The following ARID5B variants were observed in gnomAD, a reference collection of about 807,000 sequenced individuals.
ARID5B encodes AT-rich interaction domain 5B.
In ARID5B, 13 loss-of-function variants were observed where a neutral mutation model predicts 97.2. The ratio of observed to expected loss-of-function variants is 0.13; its 90% CI spans 0.09 to 0.21. ARID5B has a LOEUF of 0.21. Among genes scored for constraint, ARID5B ranks in the 10% least tolerant of loss-of-function variants. The probability of loss-of-function intolerance (pLI) is 1.00; values close to 1 mark genes in which losing one functional copy is unlikely to be tolerated. For synonymous variants in ARID5B, 556 were observed against 570.3 expected (o/e 0.97, Z 0.36); for missense variants, 1,210 against 1,465.3 (o/e 0.83, Z 2.84).
At chr10:61,937,068 C>T (rs925661063) in intron 2 of ARID5B, among the ~76,000 whole-genome samples, 2 of 152,066 alleles carry the variant, frequency 1.3e-5, no homozygotes, top group Non-Finnish European at 2.9e-5. Flanking sequence ...TCACTGTCCT[C>T]ATCAGTAAAA....
At chr10:62,044,372 GCT>G (rs1157763486) in intron 4 of ARID5B, among the ~76,000 whole-genome samples, 1,139 of 98,506 alleles carry the variant, frequency 0.012, 9 homozygotes, top group Non-Finnish European at 0.014. Flanking sequence ...GGGTTCATTT[GCT>G]CTTTTTTTTT....
At chr10:62,062,715 T>A (rs1839936785) in intron 7 of ARID5B, among the ~76,000 whole-genome samples, 1 of 151,382 alleles carries the variant, frequency 6.6e-6, no homozygotes, top group Non-Finnish European at 1.5e-5. Context: ...ATTTTTGTTT[T>A]CAATGAGGGG....
chr10:62,043,702 C>CAG (rs1839669404), intron 4 of ARID5B, among the ~76,000 whole-genome samples: 1 of 152,164 alleles, frequency 6.6e-6, no homozygotes, highest in African/African-American at 2.4e-5. Context: ...ACCTCCAGGG[C>CAG]AGAGAGAGAC....
At chr10:61,960,248 C>A (rs983699446) in intron 3 of ARID5B, among the ~76,000 whole-genome samples, 1 of 152,146 alleles carries the variant, frequency 6.6e-6, no homozygotes, top group South Asian at 2.1e-4. Context: ...CATGGAAATA[C>A]TACGTACAGT....
At position 62,013,794 on chromosome 10, in the gene ARID5B, G is replaced by GTATATATATATA. The variant is rs60930079; in HGVS notation, c.733+13484_733+13495dup. On this transcript the variant is annotated intron_variant, in intron 4 of 9. Transcript: ENST00000279873. ...TTAAGGCTAAATAGTATTCCATTGG[G>GTATATATATATA]TATATATATATATATATATATACCA... 3.0e-3 allele frequency among the ~76,000 whole-genome samples: 414 copies of GTATATATATATA among 138,916 alleles called. 1 individual carries two copies. Among genetic ancestry groups the GTATATATATATA allele is most frequent in the Middle Eastern group, 7.2e-3 (2 of 276 alleles). 91.1% of individuals were successfully genotyped at this position (138,916 alleles called of 152,430 possible).
At chr10:61,975,886 C>T (rs1838692223) in intron 3 of ARID5B, among the ~76,000 whole-genome samples, 1 of 152,054 alleles carries the variant, frequency 6.6e-6, no homozygotes, top group Non-Finnish European at 1.5e-5. Flanking sequence ...AACAATTTTC[C>T]AATTATAGCT....
intron 7 of ARID5B, 118 bp downstream of exon 7, chr10:62,059,413 T>A: frequency 1.2e-6 from 1 of 810,454 alleles, no homozygotes; most frequent in Non-Finnish European, 2.0e-6. Context: ...CAAATGGCTC[T>A]ACACTTTTGG....
chr10:61,928,862 T>C (rs1844154188), intron 2 of ARID5B, among the ~76,000 whole-genome samples: 1 of 152,216 alleles, frequency 6.6e-6, no homozygotes, highest in Non-Finnish European at 1.5e-5. Flanking sequence ...GATATCCCAT[T>C]AGCAGAATAC....
At chr10:61,976,275 T>C (rs962650302) in intron 3 of ARID5B, among the ~76,000 whole-genome samples, 4 of 152,232 alleles carry the variant, frequency 2.6e-5, no homozygotes, top group Non-Finnish European at 4.4e-5. Context: ...TCTAATTAAT[T>C]TAACTTTATA....
At position 62,051,800 on chromosome 10, in the gene ARID5B, T is replaced by C. The variant is rs537423490; in HGVS notation, c.846+800T>C. On this transcript the variant is annotated intron_variant, in intron 5 of 9. Transcript: ENST00000279873. ...GTTATTTTTGTGCTAAAGACAGCAA[T>C]CGTCCCTTTAGGATTTTAGTTGACG... Among the ~76,000 whole-genome samples the C allele has an allele frequency of 2.0e-5, 3 of 152,306 alleles. No individual in the cohort carries two copies. In the South Asian group the frequency reaches 6.2e-4, roughly 32 times the overall value.
intron 2 of ARID5B, among the ~76,000 whole-genome samples, chr10:61,915,626 AC>A (rs1843888329): frequency 6.6e-6 from 1 of 152,156 alleles, no homozygotes; most frequent in African/African-American, 2.4e-5. Flanking sequence ...TCATCTAGAC[AC>A]CTGGGGTGCA....
chr10:62,065,997 A>G (rs1262951762), intron 7 of ARID5B, among the ~76,000 whole-genome samples: 1 of 152,164 alleles, frequency 6.6e-6, no homozygotes, highest in Non-Finnish European at 1.5e-5. Flanking sequence ...CCTTGATTAG[A>G]TCAAATTTTC....
At chr10:62,078,438 G>A (rs999161801) in intron 8 of ARID5B, among the ~76,000 whole-genome samples, 3 of 152,222 alleles carry the variant, frequency 2.0e-5, no homozygotes, top group Non-Finnish European at 2.9e-5. Context: ...GCAGTAAGCC[G>A]TGATTGCATG....
intron 2 of ARID5B, among the ~76,000 whole-genome samples, chr10:61,936,433 C>T (rs1844301043): frequency 1.3e-5 from 2 of 152,222 alleles, no homozygotes; most frequent in South Asian, 4.1e-4. Flanking sequence ...TCCTGGCCAA[C>T]ATGGTGAAAC....
rs1467216169 is a variant in ARID5B, at chr10:62,071,482, G to A, written c.1199+1685G>A. Among the ~76,000 whole-genome samples, 4 of 151,622 alleles carry A rather than the reference G, an allele frequency of 2.6e-5. No homozygotes were observed. In the East Asian group the frequency reaches 5.8e-4, roughly 22 times the overall value. ...AGCAATTAAAGCTTGAAAAAGGAGT[G>A]TATCTCAGCTGTTAGCTCATCTAGT... On this transcript the variant is annotated intron_variant, in intron 8 of 9. Coordinates refer to ENST00000279873, the MANE Select transcript of ARID5B (RefSeq NM_032199.3).
chr10:61,913,490 G>C (rs1244169024), intron 2 of ARID5B, among the ~76,000 whole-genome samples: 1 of 152,194 alleles, frequency 6.6e-6, no homozygotes. Context: ...CATGTCCTCA[G>C]AACTAGAGAG....
chr10:62,049,266 C>G, intron 4 of ARID5B: 2 of 1,419,008 alleles, frequency 1.4e-6, no homozygotes, highest in South Asian at 1.5e-5. Context: ...TCATCCCACA[C>G]ACTCGGTGCT....
intron 8 of ARID5B, among the ~76,000 whole-genome samples, chr10:62,075,062 G>T (rs1840110156): frequency 6.6e-6 from 1 of 152,160 alleles, no homozygotes; most frequent in African/African-American, 2.4e-5. Flanking sequence ...CAGGTCAGTG[G>T]AGAAGGTCCG....
chr10:62,051,426 T>C (rs1190861851), intron 5 of ARID5B, among the ~76,000 whole-genome samples: 1 of 152,226 alleles, frequency 6.6e-6, no homozygotes, highest in African/African-American at 2.4e-5. Context: ...AAATTAGAAA[T>C]AGCTAGAATT....
Sources: allele counts gnomAD v4.1 joint callset (sites outside exome capture counted in the v4.1 genomes callset), GRCh38; gene constraint gnomAD v4.1.1; transcripts MANE v1.5; gene names NCBI Gene and HGNC (gene_info 2026-07-23, HGNC 2026-07-21).